The following SHANK2 variants were observed in gnomAD, a reference collection of about 807,000 sequenced individuals.
SHANK2 encodes the protein SH3 and multiple ankyrin repeat domains 2.
SHANK2 carries 43 observed loss-of-function variants against 133.7 expected under a neutral mutation model. That is an observed-to-expected ratio of 0.32 (90% CI 0.25 to 0.41). SHANK2 has a LOEUF of 0.41. SHANK2 is among the 10% of genes least tolerant of loss of function. The pLI is 1.00. For synonymous variants in SHANK2, 1,017 were observed against 952.8 expected (o/e 1.07, Z -1.24); for missense variants, 1,994 against 2,235.8 (o/e 0.89, Z 2.18).
intron 14 of SHANK2, among the ~76,000 whole-genome samples, chr11:70,774,528 C>T (rs1338663270): frequency 1.3e-5 from 2 of 152,152 alleles, no homozygotes; most frequent in African/African-American, 4.8e-5. Context: ...TCATGTTAGC[C>T]AGGCTGGTCT....
At chr11:70,866,704 C>G (rs1220223332) in intron 11 of SHANK2, among the ~76,000 whole-genome samples, 4 of 152,144 alleles carry the variant, frequency 2.6e-5, no homozygotes, top group Admixed American at 2.6e-4. Context: ...CGGAGACACA[C>G]AAGTCAACAA....
At chr11:71,207,744 G>T (rs1954157400) in intron 2 of SHANK2, among the ~76,000 whole-genome samples, 1 of 152,154 alleles carries the variant, frequency 6.6e-6, no homozygotes, top group South Asian at 2.1e-4. Context: ...TCTCAGCCAG[G>T]TCTTCCAGTC....
chr11:70,643,897 G>A (rs1456708995), intron 17 of SHANK2, among the ~76,000 whole-genome samples: 3 of 150,366 alleles, frequency 2.0e-5, no homozygotes, highest in Admixed American at 6.7e-5. Flanking sequence ...ACAGGAAGCC[G>A]ACTAAGGGAC....
intron 17 of SHANK2, among the ~76,000 whole-genome samples, chr11:70,615,961 G>A (rs377228537): frequency 6.6e-6 from 1 of 152,192 alleles, no homozygotes; most frequent in African/African-American, 2.4e-5. Context: ...TCAGACCCCA[G>A]CTGTCCCTGA....
rs182349697 is a variant in SHANK2, at chr11:70,808,094, C to T, written c.1494-923G>A. On this transcript the variant is annotated intron_variant, in intron 12 of 25. Transcript: ENST00000601538. Reference sequence around the variant, plus strand: ...TTCTGGAGATGGATGGTGGTGATGGCTGCACAGCACTCGAATGTATTCCAC... The same window carrying T: ...TTCTGGAGATGGATGGTGGTGATGGTTGCACAGCACTCGAATGTATTCCAC... Among the ~76,000 whole-genome samples, 294 of 152,288 alleles carry T rather than the reference C, an allele frequency of 1.9e-3. 5 individuals are homozygous for T. Among genetic ancestry groups the T allele is most frequent in the African/African-American group, 6.4e-3 (265 of 41,556 alleles).
chr11:71,165,960 G>A (rs1212509885), intron 2 of SHANK2, among the ~76,000 whole-genome samples: 4 of 152,160 alleles, frequency 2.6e-5, no homozygotes, highest in Admixed American at 6.5e-5. Flanking sequence ...GAGCGTGAGT[G>A]GAGGACAACT....
At chr11:70,510,747 A>T (rs1382618598) in intron 17 of SHANK2, among the ~76,000 whole-genome samples, 1 of 152,154 alleles carries the variant, frequency 6.6e-6, no homozygotes, top group East Asian at 1.9e-4. Context: ...AGTGAGTCCT[A>T]GGGGTTCCTG....
At position 70,487,773 on chromosome 11, in the gene SHANK2, G is replaced by T. The variant is rs959477152; in HGVS notation, c.2573-53C>A. The T allele has an allele frequency of 1.3e-6, 2 of 1,550,036 alleles. No individual in the cohort carries two copies. Among genetic ancestry groups the T allele is most frequent in the Non-Finnish European group, 1.7e-6 (2 of 1,147,004 alleles). On this transcript the variant is annotated intron_variant, in intron 24 of 25. Coordinates refer to ENST00000601538, the MANE Select transcript of SHANK2 (RefSeq NM_012309.5). This position sits in a 1 kb window ranked among gnomAD's most constrained non-coding sequence, Gnocchi z 5.8. The stretch of plus-strand genomic sequence containing the variant: ...AAGTCACAATAGCAACAAAGCCTAA[G>T]TTCCTAGGAACGTGCGATACGCTAC...
At chr11:70,674,689 C>A (rs1555016808) in intron 15 of SHANK2, among the ~76,000 whole-genome samples, 1 of 152,226 alleles carries the variant, frequency 6.6e-6, no homozygotes, top group South Asian at 2.1e-4. Context: ...TGTTCTAGAC[C>A]AGGCAACGGC....
intron 5 of SHANK2, among the ~76,000 whole-genome samples, chr11:71,112,210 G>A (rs979494435): frequency 6.6e-6 from 1 of 152,092 alleles, no homozygotes; most frequent in Non-Finnish European, 1.5e-5. Context: ...CCTGGCCAAC[G>A]TGGCAAAACC....
chr11:70,599,913 AAGAAAG>A lies in SHANK2; in HGVS notation c.2061+59909_2061+59914del, dbSNP rs1565166385. 8.4e-3 allele frequency among the ~76,000 whole-genome samples: 601 copies of A among 71,816 alleles called. 26 individuals carry two copies. Among genetic ancestry groups the A allele is most frequent in the Admixed American group, 0.021 (172 of 8,290 alleles). 47.1% of individuals were successfully genotyped at this position (71,816 alleles called of 152,430 possible). A position where few individuals can be genotyped will look rare whatever the true frequency, so the allele number is the denominator to read the frequency against. On this transcript the variant is annotated intron_variant, in intron 17 of 25. Coordinates refer to ENST00000601538, the MANE Select transcript of SHANK2 (RefSeq NM_012309.5). ...AAAAAGAAAGAAAGAAAGAGAAAGA[AAGAAAG>A]AAAGAAAGAAAGAAAGAAAGAAAGA...
rs373743108 is a variant in SHANK2, at chr11:70,800,982, C to T, written c.1664-2426G>A. Among the ~76,000 whole-genome samples the T allele has an allele frequency of 1.7e-4, 26 of 152,328 alleles. No individual in the cohort carries two copies. In the East Asian group the frequency reaches 2.9e-3, roughly 17 times the overall value. The stretch of plus-strand genomic sequence containing the variant: ...TATCATCTTCCATGGAAGCTCTGCC[C>T]TATCTTAGCTATGTGATGCTTGGGA... On this transcript the variant is annotated intron_variant, in intron 13 of 25. Transcript: ENST00000601538.
intron 10 of SHANK2, among the ~76,000 whole-genome samples, chr11:70,923,408 A>C (rs1390694283): frequency 6.6e-6 from 1 of 151,916 alleles, no homozygotes; most frequent in Non-Finnish European, 1.5e-5. Context: ...ATGGCCAGAT[A>C]ATTTTTGTAT....
chr11:70,953,588 G>A (rs1950875624), intron 10 of SHANK2, among the ~76,000 whole-genome samples: 1 of 152,076 alleles, frequency 6.6e-6, no homozygotes, highest in Non-Finnish European at 1.5e-5. Context: ...AGCATGGGAG[G>A]AAGAAGGAAG....
intron 15 of SHANK2, among the ~76,000 whole-genome samples, chr11:70,673,665 C>T (rs1313634894): frequency 6.6e-6 from 1 of 152,242 alleles, no homozygotes; most frequent in Non-Finnish European, 1.5e-5. Flanking sequence ...CCGTGGTCCC[C>T]CCACCAGGAT....
chr11:70,492,830 C>T (rs2058913560), intron 21 of SHANK2, among the ~76,000 whole-genome samples: 1 of 109,936 alleles, frequency 9.1e-6, no homozygotes, highest in Non-Finnish European at 1.7e-5. Flanking sequence ...GTCTCTTGCT[C>T]TGTTGCCCAG....
intron 1 of SHANK2, among the ~76,000 whole-genome samples, chr11:71,249,729 T>G (rs1484313858): frequency 6.6e-6 from 1 of 152,204 alleles, no homozygotes; most frequent in Non-Finnish European, 1.5e-5. Flanking sequence ...TGTTACGTAT[T>G]TGGAAGTAAG....
intron 11 of SHANK2, among the ~76,000 whole-genome samples, chr11:70,881,222 A>G (rs2135579881): frequency 6.6e-6 from 1 of 152,140 alleles, no homozygotes; most frequent in African/African-American, 2.4e-5. Flanking sequence ...ATTTTCTAAA[A>G]TTTTTGTAGA....
At chr11:70,616,055 C>A (rs2060737466) in intron 17 of SHANK2, among the ~76,000 whole-genome samples, 1 of 152,134 alleles carries the variant, frequency 6.6e-6, no homozygotes, top group African/African-American at 2.4e-5. Context: ...GGCCTTGGAA[C>A]CCATCCTCCC....
Sources: allele counts gnomAD v4.1 joint callset (sites outside exome capture counted in the v4.1 genomes callset), GRCh38; gene constraint gnomAD v4.1.1; non-coding constraint Gnocchi (gnomAD v3.1); transcripts MANE v1.5; gene names NCBI Gene and HGNC (gene_info 2026-07-23, HGNC 2026-07-21).